The following XRCC4 variants were observed in gnomAD, a reference collection of about 807,000 sequenced individuals.
The protein encoded by XRCC4 is DNA repair protein XRCC4.
Under a neutral mutation model 39.1 loss-of-function variants are expected in XRCC4, and 28 were observed. The observed-to-expected ratio is 0.72, with a 90% CI of 0.53 to 0.98. The LOEUF is 0.98. Ranked by LOEUF, XRCC4 falls within the 50% of genes least tolerant of loss-of-function variation. XRCC4 has a pLI of 0.00. For synonymous variants in XRCC4, 123 were observed against 126.4 expected (o/e 0.97, Z 0.18); for missense variants, 350 against 376.4 (o/e 0.93, Z 0.58).
chr5:83,118,711 G>C (rs908329989), intron 3 of XRCC4, among the ~76,000 whole-genome samples: 7 of 152,170 alleles, frequency 4.6e-5, no homozygotes, highest in African/African-American at 1.7e-4. Context: ...GTGATCTTCA[G>C]CTGTGTCTTG....
chr5:83,087,439 G>A (rs1349392304), intron 1 of XRCC4, among the ~76,000 whole-genome samples: 1 of 152,038 alleles, frequency 6.6e-6, no homozygotes, highest in African/African-American at 2.4e-5. Context: ...GAGGCAGGTA[G>A]ATCATTTGAG....
chr5:83,273,093 T>C (rs1754199296), intron 7 of XRCC4, among the ~76,000 whole-genome samples: 1 of 152,204 alleles, frequency 6.6e-6, no homozygotes, highest in African/African-American at 2.4e-5. Context: ...CATCTATTGT[T>C]TCCTGACTTT....
intron 3 of XRCC4, among the ~76,000 whole-genome samples, chr5:83,120,503 GC>G (rs2112441049): frequency 6.6e-6 from 1 of 152,294 alleles, no homozygotes; most frequent in Admixed American, 6.5e-5. Flanking sequence ...TTATAGATCA[GC>G]TTTACATGTT....
chr5:83,282,165 A>G (rs1005487994), intron 7 of XRCC4, among the ~76,000 whole-genome samples: 7 of 152,232 alleles, frequency 4.6e-5, no homozygotes, highest in Non-Finnish European at 8.8e-5. Flanking sequence ...GATGACTCCT[A>G]TGGCAAATGG....
At chr5:83,277,279 A>G (rs1199479091) in intron 7 of XRCC4, among the ~76,000 whole-genome samples, 3 of 152,222 alleles carry the variant, frequency 2.0e-5, no homozygotes. Flanking sequence ...CTTCACAGCT[A>G]TCGTTGAGTA....
intron 7 of XRCC4, among the ~76,000 whole-genome samples, chr5:83,271,824 A>G (rs1043711357): frequency 6.6e-6 from 1 of 152,156 alleles, no homozygotes; most frequent in African/African-American, 2.4e-5. Context: ...AATGGGAAAC[A>G]TATATCTCCT....
intron 6 of XRCC4, among the ~76,000 whole-genome samples, chr5:83,225,759 A>G (rs1224481812): frequency 6.6e-6 from 1 of 151,884 alleles, no homozygotes; most frequent in African/African-American, 2.4e-5. Flanking sequence ...AAACCAGGCT[A>G]TCAATTAGCC....
intron 7 of XRCC4, among the ~76,000 whole-genome samples, chr5:83,314,053 T>A (rs888012986): frequency 6.6e-6 from 1 of 152,092 alleles, no homozygotes; most frequent in African/African-American, 2.4e-5. Flanking sequence ...TATTATTTAA[T>A]CTCATTCTTG....
intron 4 of XRCC4, among the ~76,000 whole-genome samples, chr5:83,198,005 C>A (rs1291854427): frequency 6.6e-6 from 1 of 152,034 alleles, no homozygotes; most frequent in African/African-American, 2.4e-5. Flanking sequence ...TCTTAGTGTT[C>A]CCTCACTAGA....
At chr5:83,366,567 T>C in the XRCC4 span, among the ~76,000 whole-genome samples, 1 of 151,992 alleles carries the variant, frequency 6.6e-6, no homozygotes, top group African/African-American at 2.4e-5. Flanking sequence ...GCTCAAAGCT[T>C]TTCCATGCCT....
At chr5:83,246,680 A>C (rs1753114441) in intron 6 of XRCC4, among the ~76,000 whole-genome samples, 1 of 152,144 alleles carries the variant, frequency 6.6e-6, no homozygotes. Context: ...CATTTACCTC[A>C]TTGGAAAGAT....
At chr5:83,275,103 G>A (rs935986113) in intron 7 of XRCC4, among the ~76,000 whole-genome samples, 6 of 152,118 alleles carry the variant, frequency 3.9e-5, no homozygotes, top group African/African-American at 1.4e-4. Context: ...TCATGCATAT[G>A]TTTTAGCAGT....
chr5:83,191,697 A>T (rs1750703055), intron 3 of XRCC4, among the ~76,000 whole-genome samples: 1 of 152,026 alleles, frequency 6.6e-6, no homozygotes, highest in African/African-American at 2.4e-5. Context: ...GAGACTGTCT[A>T]AAAAAACCCA....
intron 7 of XRCC4, among the ~76,000 whole-genome samples, chr5:83,347,029 A>G (rs1187794506): frequency 6.6e-6 from 1 of 152,196 alleles, no homozygotes; most frequent in Non-Finnish European, 1.5e-5. Flanking sequence ...AGATATATGT[A>G]TAAGGATACT....
chr5:83,081,685 G>A (rs1043421021), intron 1 of XRCC4, among the ~76,000 whole-genome samples: 2 of 152,084 alleles, frequency 1.3e-5, no homozygotes, highest in African/African-American at 4.8e-5. Flanking sequence ...CACCAAAAAA[G>A]ACACTTCTAT....
chr5:83,129,189 C>A (rs1271562337), intron 3 of XRCC4, among the ~76,000 whole-genome samples: 3 of 144,334 alleles, frequency 2.1e-5, no homozygotes, highest in African/African-American at 8.0e-5. Flanking sequence ...CAGCTTTCTA[C>A]ATATGGCTAG....
In XRCC4 at chr5:83,230,997, A is replaced by G. The variant is rs535126030; in HGVS notation, c.745+26076A>G. Among the ~76,000 whole-genome samples, 131 of 152,002 alleles carry G rather than the reference A, an allele frequency of 8.6e-4. No individual in the cohort carries two copies. In the Middle Eastern group the frequency reaches 0.01, roughly 12 times the overall value. ...TCACGTAAATGATTACAGCCCACTG[A>G]AGGTAGAAGTCATACTTCTGATTTC... On this transcript the variant is annotated intron_variant, in intron 6 of 7. Coordinates refer to ENST00000396027, the MANE Select transcript of XRCC4 (RefSeq NM_003401.5).
At chr5:83,227,107 C>A (rs767799873) in intron 6 of XRCC4, among the ~76,000 whole-genome samples, 29 of 151,948 alleles carry the variant, frequency 1.9e-4, no homozygotes, top group Non-Finnish European at 3.8e-4. Flanking sequence ...TGGTGATATA[C>A]TTTATTTATT....
At chr5:83,217,058 C>T (rs974063009) in intron 6 of XRCC4, among the ~76,000 whole-genome samples, 3 of 151,496 alleles carry the variant, frequency 2.0e-5, no homozygotes, top group African/African-American at 7.3e-5. Context: ...CACACACACA[C>T]CCCAAAAACC....
Sources: gnomAD v4.1 joint callset for allele counts (sites outside exome capture counted in the v4.1 genomes callset) on GRCh38, gnomAD v4.1.1 for gene constraint, MANE v1.5 for transcripts, NCBI Gene and HGNC (gene_info 2026-07-23, HGNC 2026-07-21) for gene names.